Variants in CDK7 observed in about 807,000 individuals in gnomAD.
CDK7 encodes cyclin dependent kinase 7.
Under a neutral mutation model 49.1 loss-of-function variants are expected in CDK7, and 25 were observed. The observed-to-expected ratio is 0.51, with a 90% CI of 0.37 to 0.71. The LOEUF (loss-of-function observed/expected upper bound fraction) is 0.71, where lower values mean the gene tolerates loss of function less well. CDK7 is among the 30% of genes least tolerant of loss of function. The pLI is 0.00. For synonymous variants in CDK7, 107 were observed against 140.0 expected (o/e 0.76, Z 1.67); for missense variants, 316 against 411.7 (o/e 0.77, Z 2.01).
intron 2 of CDK7, among the ~76,000 whole-genome samples, chr5:69,251,511 C>G (rs931038866): frequency 2.6e-5 from 4 of 152,002 alleles, no homozygotes; most frequent in African/African-American, 9.7e-5. Flanking sequence ...TCCCAAAATA[C>G]TGGGATTGCA....
chr5:69,241,948 T>G (rs1749419756), intron 2 of CDK7, among the ~76,000 whole-genome samples: 1 of 152,222 alleles, frequency 6.6e-6, no homozygotes, highest in Non-Finnish European at 1.5e-5. Flanking sequence ...TGGTTGCCTG[T>G]GCTTGTGGGG....
At chr5:69,276,986 G>GA (rs1752218947) in intron 11 of CDK7, 121 bp from the exon 12 acceptor site, 4 of 846,276 alleles carry the variant, frequency 4.7e-6, no homozygotes, top group Admixed American at 2.7e-5. Flanking sequence ...AGTGCTACTG[G>GA]AAAAAATGTG....
chr5:69,252,144 T>A (rs1750183147), intron 2 of CDK7, among the ~76,000 whole-genome samples: 1 of 152,212 alleles, frequency 6.6e-6, no homozygotes, highest in African/African-American at 2.4e-5. Flanking sequence ...ACATTGAACC[T>A]TGAAAAGGTA....
intron 2 of CDK7, among the ~76,000 whole-genome samples, chr5:69,236,888 T>C (rs1749020762): frequency 6.6e-6 from 1 of 151,264 alleles, no homozygotes; most frequent in Non-Finnish European, 1.5e-5. Flanking sequence ...CTGACCTCAG[T>C]TGATCCACCC....
intron 2 of CDK7, among the ~76,000 whole-genome samples, chr5:69,237,327 C>T (rs772465641): frequency 5.9e-5 from 9 of 152,112 alleles, no homozygotes. Flanking sequence ...CTTTTCTGTC[C>T]CTGTACAAAT....
chr5:69,249,398 T>C (rs542652879), intron 2 of CDK7, among the ~76,000 whole-genome samples: 1 of 151,184 alleles, frequency 6.6e-6, no homozygotes, highest in African/African-American at 2.4e-5. Flanking sequence ...AAAATTAGCT[T>C]GACATGGTGG....
chr5:69,277,267 C>G lies in CDK7; in HGVS notation c.*132C>G, dbSNP rs1398156356. 2.0e-6 allele frequency: 1 copy of G among 506,830 alleles called. No homozygotes were observed. Among genetic ancestry groups the G allele is most frequent in the East Asian group, 3.2e-5 (1 of 30,852 alleles). 31.4% of individuals were successfully genotyped at this position (506,830 alleles called of 1,614,324 possible). A position where few individuals can be genotyped will look rare whatever the true frequency, so the allele number is the denominator to read the frequency against. On this transcript the variant is annotated 3_prime_UTR_variant, in exon 12 of 12. Transcript: ENST00000256443. The stretch of plus-strand genomic sequence containing the variant: ...TTCTACACATGTAAAATATGTAAAA[C>G]TATGGGTTATTTTTATTAAATGTAT...
intron 2 of CDK7, among the ~76,000 whole-genome samples, chr5:69,236,266 C>A (rs1227031051): frequency 6.6e-6 from 1 of 151,134 alleles, no homozygotes; most frequent in Non-Finnish European, 1.5e-5. Context: ...AGATTTGGGT[C>A]ATAATTACAT....
chr5:69,245,175 G>T (rs1749654917), intron 2 of CDK7, among the ~76,000 whole-genome samples: 1 of 151,954 alleles, frequency 6.6e-6, no homozygotes, highest in Admixed American at 6.6e-5. Context: ...TGGTATCAGG[G>T]TAATACTGGC....
At chr5:69,245,516 T>C (rs932385012) in intron 2 of CDK7, among the ~76,000 whole-genome samples, 2 of 151,644 alleles carry the variant, frequency 1.3e-5, no homozygotes, top group Non-Finnish European at 2.9e-5. Flanking sequence ...ACTTTTTATA[T>C]TTTTAGTAGC....
chr5:69,255,629 A>G, intron 5 of CDK7, 101 bp downstream of exon 5: 1 of 889,988 alleles, frequency 1.1e-6, no homozygotes. Flanking sequence ...GTAAAAGAAA[A>G]AAAGCTTAAT....
chr5:69,264,927 C>T (rs942011996), intron 8 of CDK7, among the ~76,000 whole-genome samples: 11 of 150,454 alleles, frequency 7.3e-5, no homozygotes, highest in Admixed American at 4.0e-4. Context: ...CTGGAGATCA[C>T]ACCATTGCAC....
chr5:69,265,559 T>G (rs1751098264), intron 8 of CDK7, among the ~76,000 whole-genome samples: 1 of 152,220 alleles, frequency 6.6e-6, no homozygotes, highest in Non-Finnish European at 1.5e-5. Flanking sequence ...CCTAGAATTC[T>G]TTGCCTGTTC....
In CDK7 at chr5:69,276,581, A is replaced by G. The variant is rs1290348979; in HGVS notation, c.903A>G (p.Pro301=). 1.2e-6 allele frequency: 2 copies of G among 1,613,706 alleles called. No homozygotes were observed. The highest frequency in any genetic ancestry group is 1.3e-5 in the African/African-American group (1 of 75,060). The change falls in exon 11 of 12, where the codon CCA becomes CCG. Residue 301 remains proline (P), a synonymous_variant. Coordinates refer to ENST00000256443, the MANE Select transcript of CDK7 (RefSeq NM_001799.4). ...AGTATTTCAGTAATCGGCCAGGGCC[A>G]ACACCTGGATGTCAGCTGCCAAGAC... ...KMKYFSNRPG[P]TPGCQLPRPN...
chr5:69,276,426 G>T, intron 10 of CDK7, 117 bp from the exon 11 acceptor site: 1 of 812,126 alleles, frequency 1.2e-6, no homozygotes, highest in Non-Finnish European at 2.0e-6. Flanking sequence ...TGTTTTGTTG[G>T]GAATGAGGGC....
chr5:69,237,033 C>A (rs1184544970), intron 2 of CDK7, among the ~76,000 whole-genome samples: 1 of 147,884 alleles, frequency 6.8e-6, no homozygotes. Flanking sequence ...TTATGATCCA[C>A]CACTACAGCC....
rs979927388 is a variant in CDK7, at chr5:69,270,895, T to C, written c.714+1602T>C. 7.2e-5 allele frequency among the ~76,000 whole-genome samples: 11 copies of C among 152,368 alleles called. No individual in the cohort carries two copies. The South Asian group carries it at 1.0e-3, about 14-fold the overall frequency. On this transcript the variant is annotated intron_variant, in intron 9 of 11. Transcript: ENST00000256443. ...TGAAGGACATCTATATTTGTGTTGT[T>C]TCCAATGTGGGGCTATTACCAATAA...
At position 69,268,590 on chromosome 5, in the gene CDK7, C is replaced by T. The variant is rs560645144; in HGVS notation, c.628-617C>T. On this transcript the variant is annotated intron_variant, in intron 8 of 11. Transcript: ENST00000256443. ...TTTGAAGGCCAGGCATGGTGGCTGACGCCTGTAATCCCAGCACTTTGGGAG... is the reference window on the plus strand; with the variant it reads ...TTTGAAGGCCAGGCATGGTGGCTGATGCCTGTAATCCCAGCACTTTGGGAG... Among the ~76,000 whole-genome samples the T allele has an allele frequency of 2.6e-5, 4 of 152,304 alleles. No homozygotes were observed. In the East Asian group the frequency reaches 5.8e-4, roughly 22 times the overall value.
At chr5:69,251,818 G>A (rs932904742) in intron 2 of CDK7, among the ~76,000 whole-genome samples, 3 of 152,154 alleles carry the variant, frequency 2.0e-5, no homozygotes, top group Non-Finnish European at 2.9e-5. Context: ...ACAAGTGTGA[G>A]CCACTACACC....
Sources: gnomAD v4.1 joint callset for allele counts (sites outside exome capture counted in the v4.1 genomes callset) on GRCh38, gnomAD v4.1.1 for gene constraint, MANE v1.5 for transcripts, NCBI Gene and HGNC (gene_info 2026-07-23, HGNC 2026-07-21) for gene names.